UBA3: variants seen among roughly 807,000 people sequenced by gnomAD.
The protein encoded by UBA3 is ubiquitin like modifier activating enzyme 3, also known as NEDD8-activating enzyme E1 catalytic subunit.
A neutral mutation model predicts 73.5 loss-of-function variants in UBA3; 26 were observed. The observed-to-expected ratio is 0.35, with a 90% CI of 0.26 to 0.49. The LOEUF (loss-of-function observed/expected upper bound fraction) is 0.49, where lower values mean the gene tolerates loss of function less well. Among genes scored for constraint, UBA3 ranks in the 20% least tolerant of loss-of-function variants. The pLI, the probability that UBA3 is intolerant of heterozygous loss-of-function variation, is 0.98. For missense variants in UBA3, 495 were observed against 555.6 expected, an observed-to-expected ratio of 0.89 and a Z score of 1.10; for synonymous variants, 217 against 191.2, an observed-to-expected ratio of 1.13 and a Z score of -1.11.
chr3:69,076,213 A>G (rs1026452570), intron 3 of UBA3, among the ~76,000 whole-genome samples: 1 of 152,230 alleles, frequency 6.6e-6, no homozygotes, highest in Non-Finnish European at 1.5e-5. Flanking sequence ...AGCACTGCCC[A>G]AAGTGTTTAA....
chr3:69,079,191 TTCAGCCATGA>T (rs1305864489), intron 2 of UBA3, among the ~76,000 whole-genome samples: 9 of 152,320 alleles, frequency 5.9e-5, no homozygotes, highest in Admixed American at 1.3e-4. Flanking sequence ...AGCTACTTCT[TTCAGCCATGA>T]GGATATAGAT....
In UBA3 at chr3:69,055,254, T is replaced by G. The variant is rs2091963021; in HGVS notation, c.*183A>C. 2 of 412,846 alleles carry G rather than the reference T, an allele frequency of 4.8e-6. No individual in the cohort carries two copies. The highest frequency in any genetic ancestry group is 8.7e-6 in the Non-Finnish European group (2 of 228,884). The allele number at this position is 412,846 out of a possible 1,614,324, so 25.6% of individuals were successfully genotyped here. On this transcript the variant is annotated 3_prime_UTR_variant, in exon 18 of 18. Transcript: ENST00000361055. ...TTTCTCATATTATTAATGAAAATGC[T>G]TACAAGCACCAACACCAAAATTCTG... is the stretch of plus-strand genomic sequence containing the variant.
intron 8 of UBA3, 26 bp downstream of exon 8, chr3:69,063,413 A>C: frequency 6.3e-7 from 1 of 1,586,780 alleles, no homozygotes; most frequent in Non-Finnish European, 8.5e-7. Flanking sequence ...AACTTCAGAG[A>C]ACTATAACAA....
Position 69,061,903 on chromosome 3 carries a change from T to C in UBA3, c.821A>G (p.Asp274Gly). The C allele has an allele frequency of 6.2e-7, 1 of 1,605,162 alleles. No individual in the cohort carries two copies. Among genetic ancestry groups the C allele is most frequent in the Non-Finnish European group, 8.5e-7 (1 of 1,177,138 alleles). ...FGEGVPLDGD[D>G]PEHIQWIFQK... ...GAAAATCCATTGTATATGTTCAGGA[T>C]CATCTCCATCTAATGGAACCCCTTC... The change falls in exon 11 of 18, where the codon GAT (aspartate) becomes GGT (glycine). Residue 274 changes from aspartate to glycine, a missense_variant. Coordinates refer to ENST00000361055, the MANE Select transcript of UBA3 (RefSeq NM_003968.4).
chr3:69,061,010 T>G (rs993399207), intron 11 of UBA3, among the ~76,000 whole-genome samples: 1 of 152,202 alleles, frequency 6.6e-6, no homozygotes, highest in Non-Finnish European at 1.5e-5. Flanking sequence ...ATTACCCAGT[T>G]TCAGATATTC....
At chr3:69,056,340 T>C in intron 14 of UBA3, 57 bp from the exon 15 acceptor site, 1 of 1,310,218 alleles carries the variant, frequency 7.6e-7, no homozygotes, top group Non-Finnish European at 1.0e-6. Flanking sequence ...TTAGTCTCTT[T>C]TATGAACAAT....
At position 69,073,377 on chromosome 3, in the gene UBA3, A is replaced by G. The variant is rs77896552; in HGVS notation, c.265-1760T>C. Among the ~76,000 whole-genome samples, 43 of 152,300 alleles carry G rather than the reference A, an allele frequency of 2.8e-4. No homozygotes were observed. In the East Asian group the frequency reaches 6.6e-3, roughly 23 times the overall value. ...CAGCTTTGTACCTGTTATTCTCTCT[A>G]ACTAGAATATTCTTCCTACAGATAA... On this transcript the variant is annotated intron_variant, in intron 4 of 17. Transcript: ENST00000361055.
rs779135289 is a variant in UBA3, at chr3:69,077,849, G to C, written c.132C>G (p.Phe44Leu). ...WEGRWNHVKK[F>L]LERSGPFTHP... ...GTGTGAAGGGTCCAGATCGCTCGAG[G>C]AACTTCTTTACATGGTTCCAGCGAC... The change falls in exon 3 of 18, where the codon TTC becomes TTG. Residue 44 changes from phenylalanine (F) to leucine (L), a missense_variant. Phe to Leu is a conservative substitution (Grantham distance 22). Coordinates refer to ENST00000361055, the MANE Select transcript of UBA3 (RefSeq NM_003968.4). 2.5e-6 allele frequency: 4 copies of C among 1,614,082 alleles called. No homozygotes were observed. In the South Asian group the frequency reaches 4.4e-5, roughly 18 times the overall value.
At chr3:69,055,972 A>G (rs199673266) in intron 16 of UBA3, 28 bp downstream of exon 16, 1 of 1,597,842 alleles carries the variant, frequency 6.3e-7, no homozygotes, top group East Asian at 2.2e-5. Context: ...TAATTTTCTG[A>G]AAAAAATTTA....
chr3:69,068,791 G>A (rs776300841), intron 5 of UBA3, among the ~76,000 whole-genome samples: 4 of 152,196 alleles, frequency 2.6e-5, no homozygotes, highest in Middle Eastern at 6.8e-3. Context: ...GGCTGGTCTC[G>A]AACTCCTGAC....
Position 69,077,935 on chromosome 3 carries a change from A to G in UBA3, c.63-17T>C. The G allele has an allele frequency of 6.2e-7, 1 of 1,610,302 alleles. No individual in the cohort carries two copies. The highest frequency in any genetic ancestry group is 8.5e-7 in the Non-Finnish European group (1 of 1,178,830). On this transcript the variant is annotated splice_polypyrimidine_tract_variant and intron_variant, in intron 2 of 17. Coordinates refer to ENST00000361055, the MANE Select transcript of UBA3 (RefSeq NM_003968.4). ...ACAGCCATTCTGCACAGAACACAGT[A>G]AATTCAGCTGCAAAGATCAGTATGA...
chr3:69,062,124 A>G lies in UBA3; in HGVS notation c.749T>C (p.Ile250Thr). 6.2e-7 allele frequency: 1 copy of G among 1,613,836 alleles called. No homozygotes were observed. Among genetic ancestry groups the G allele is most frequent in the African/African-American group, 1.3e-5 (1 of 75,046 alleles). ...CCACTGCAACATCCTTACATACTCA[A>G]TACAGTGTTCTGGTAGCCTGGGCAT... The part of the protein sequence containing the change: ...ASMPRLPEHC[I>T]EYVRMLQWPK... Residue 250 changes from isoleucine (I) to threonine (T), a missense_variant, in exon 10 of 18, where the codon ATT becomes ACT. Coordinates refer to ENST00000361055, the MANE Select transcript of UBA3 (RefSeq NM_003968.4).
intron 5 of UBA3, 82 bp downstream of exon 5, chr3:69,071,453 A>T (rs2092121230): frequency 5.4e-6 from 4 of 734,856 alleles, no homozygotes; most frequent in Non-Finnish European, 6.5e-6. Context: ...AGTCATTTTT[A>T]AAAATTATTA....
intron 4 of UBA3, among the ~76,000 whole-genome samples, chr3:69,073,661 A>C (rs1006215047): frequency 6.9e-6 from 1 of 144,502 alleles, no homozygotes; most frequent in Admixed American, 7.1e-5. Context: ...TTTGAGACGG[A>C]GTCTCGCTCT....
chr3:69,061,811 T>C lies in UBA3; in HGVS notation c.910+3A>G. 6.4e-7 allele frequency: 1 copy of C among 1,570,948 alleles called. No homozygotes were observed. On this transcript the variant is annotated splice_donor_region_variant and intron_variant, in intron 11 of 17. Transcript: ENST00000361055. ...CATAATTCATGACAATTTGCTGACT[T>C]ACCTTGAGTGAGCCTATACGTAACA...
At chr3:69,065,331 G>T (rs1299764734) in intron 6 of UBA3, among the ~76,000 whole-genome samples, 1 of 150,414 alleles carries the variant, frequency 6.6e-6, no homozygotes, top group Non-Finnish European at 1.5e-5. Flanking sequence ...GCAGTAAGTT[G>T]CACAGATAGT....
intron 11 of UBA3, chr3:69,061,560 C>A: frequency 3.0e-6 from 1 of 327,944 alleles, no homozygotes; most frequent in South Asian, 8.6e-5. Context: ...GTGAAATAGA[C>A]TGTCTCTAAG....
rs937747100 is a variant in UBA3 at position 69,054,858 on chromosome 3, C to G, written c.*579G>C. On this transcript the variant is annotated 3_prime_UTR_variant, in exon 18 of 18. Transcript: ENST00000361055. ...GTGCATATTGGCCTCTATGGCACTACAAGTAAACAGATGAAAATATTGCCC... is the reference window on the plus strand; with the variant it reads ...GTGCATATTGGCCTCTATGGCACTAGAAGTAAACAGATGAAAATATTGCCC... The G allele has an allele frequency of 2.0e-5, 3 of 152,188 alleles. No individual in the cohort carries two copies. The highest frequency in any genetic ancestry group is 7.2e-5 in the African/African-American group (3 of 41,436). 9.4% of individuals were successfully genotyped at this position (152,188 alleles called of 1,614,324 possible). A position where few individuals can be genotyped will look rare whatever the true frequency, so the allele number is the denominator to read the frequency against.
chr3:69,080,020 C>T (rs1336224802), intron 2 of UBA3, 92 bp downstream of exon 2: 2 of 1,238,218 alleles, frequency 1.6e-6, no homozygotes, highest in Non-Finnish European at 2.3e-6. Context: ...CCCCTCCCAG[C>T]CCCCCGGGCC....
Sources: allele counts gnomAD v4.1 joint callset (sites outside exome capture counted in the v4.1 genomes callset), GRCh38; gene constraint gnomAD v4.1.1; transcripts MANE v1.5; gene names NCBI Gene and HGNC (gene_info 2026-07-23, HGNC 2026-07-21).